Variants in NUMB observed in about 807,000 individuals in gnomAD.
NUMB encodes protein numb homolog.
Under a neutral mutation model 59.7 loss-of-function variants are expected in NUMB, and 29 were observed. The ratio of observed to expected loss-of-function variants is 0.49; its 90% CI spans 0.36 to 0.66. The LOEUF (loss-of-function observed/expected upper bound fraction) is 0.66, where lower values mean the gene tolerates loss of function less well. Among genes scored for constraint, NUMB ranks in the 30% least tolerant of loss-of-function variants. NUMB has a pLI of 0.00. For synonymous variants in NUMB, 288 were observed against 288.2 expected, an observed-to-expected ratio of 1.00 and a Z score of 0.01; for missense variants, 723 against 822.0, an observed-to-expected ratio of 0.88 and a Z score of 1.47.
intron 4 of NUMB, among the ~76,000 whole-genome samples, chr14:73,323,540 AC>A (rs1456796771): frequency 6.6e-6 from 1 of 152,250 alleles, no homozygotes; most frequent in African/African-American, 2.4e-5. Flanking sequence ...ACTAAACATT[AC>A]CTGAATCTAC....
chr14:73,413,818 G>A (rs1242386506), intron 1 of NUMB, among the ~76,000 whole-genome samples: 2 of 151,900 alleles, frequency 1.3e-5, no homozygotes, highest in African/African-American at 4.8e-5. Flanking sequence ...ACAAAACAAA[G>A]AGTTCTTTTA....
intron 2 of NUMB, among the ~76,000 whole-genome samples, chr14:73,368,486 G>A (rs536305877): frequency 9.2e-5 from 14 of 152,168 alleles, no homozygotes; most frequent in Admixed American, 9.2e-4. Flanking sequence ...GGGAGGCTGA[G>A]GCAGGAGAAT....
At chr14:73,277,858 G>C (rs1422623943) in intron 12 of NUMB, among the ~76,000 whole-genome samples, 1 of 151,986 alleles carries the variant, frequency 6.6e-6, no homozygotes, top group Non-Finnish European at 1.5e-5. Flanking sequence ...AAGAGATCGA[G>C]ACTATCCTGG....
intron 6 of NUMB, among the ~76,000 whole-genome samples, chr14:73,310,641 G>A (rs1425333882): frequency 6.6e-6 from 1 of 152,180 alleles, no homozygotes; most frequent in Non-Finnish European, 1.5e-5. Context: ...AACTCTCTGA[G>A]CTTCTGTTTA....
intron 3 of NUMB, among the ~76,000 whole-genome samples, chr14:73,363,078 C>T (rs1894167031): frequency 1.3e-5 from 2 of 151,968 alleles, no homozygotes; most frequent in Non-Finnish European, 2.9e-5. Flanking sequence ...GGTGGATCAC[C>T]TGAGGTCAGA....
intron 3 of NUMB, among the ~76,000 whole-genome samples, chr14:73,363,553 A>C (rs1894190045): frequency 6.6e-6 from 1 of 152,186 alleles, no homozygotes; most frequent in Admixed American, 6.6e-5. Context: ...AATAGTTTCT[A>C]ACTCATTATT....
chr14:73,434,731 T>C (rs547810282), intron 1 of NUMB, among the ~76,000 whole-genome samples: 130 of 150,226 alleles, frequency 8.7e-4, no homozygotes, highest in Non-Finnish European at 1.5e-3. Flanking sequence ...AAAAAAAAAA[T>C]GAAAAAACCA....
At chr14:73,331,724 T>C (rs1891990792) in intron 4 of NUMB, among the ~76,000 whole-genome samples, 1 of 152,104 alleles carries the variant, frequency 6.6e-6, no homozygotes, top group Non-Finnish European at 1.5e-5. Context: ...TCAGCTAGTC[T>C]CATGAGATCT....
intron 2 of NUMB, among the ~76,000 whole-genome samples, chr14:73,395,570 G>A (rs1364200114): frequency 1.3e-5 from 2 of 152,056 alleles, no homozygotes; most frequent in South Asian, 2.1e-4. Flanking sequence ...GCAGTGAGCC[G>A]TGATCATACC....
At chr14:73,293,423 A>C (rs1219313641) in intron 7 of NUMB, among the ~76,000 whole-genome samples, 1 of 117,294 alleles carries the variant, frequency 8.5e-6, no homozygotes, top group Non-Finnish European at 1.6e-5. Flanking sequence ...GGACAGTCTC[A>C]CTCTGTCACC....
chr14:73,317,842 C>A (rs1479240054), intron 5 of NUMB, among the ~76,000 whole-genome samples: 1 of 152,116 alleles, frequency 6.6e-6, no homozygotes, highest in East Asian at 1.9e-4. Context: ...ATACTTTAAG[C>A]CTTTACTTTT....
At chr14:73,380,021 A>G (rs1316367369) in intron 2 of NUMB, among the ~76,000 whole-genome samples, 1 of 152,196 alleles carries the variant, frequency 6.6e-6, no homozygotes, top group East Asian at 1.9e-4. Context: ...GAAAACTATT[A>G]AATTAATCCA....
chr14:73,286,940 A>G (rs1305181186), intron 9 of NUMB, 170 bp downstream of exon 9: 2 of 645,822 alleles, frequency 3.1e-6, no homozygotes, highest in East Asian at 5.5e-5. Flanking sequence ...AAGCCATTAA[A>G]CTAGCCACTC....
At chr14:73,366,782 T>C (rs1027468251) in intron 3 of NUMB, 115 bp downstream of exon 3, 1 of 152,204 alleles carries the variant, frequency 6.6e-6, no homozygotes, top group Admixed American at 6.6e-5. Flanking sequence ...ATATTATCAG[T>C]AATTGTTAAA....
chr14:73,357,427 A>T (rs1893856731), intron 3 of NUMB, among the ~76,000 whole-genome samples: 1 of 150,254 alleles, frequency 6.7e-6, no homozygotes, highest in Non-Finnish European at 1.5e-5. Flanking sequence ...AGAAAGAAAG[A>T]AAGGAAATAC....
At chr14:73,345,498 A>T (rs76303863) in intron 4 of NUMB, among the ~76,000 whole-genome samples, 2,335 of 152,332 alleles carry the variant, frequency 0.015, 27 homozygotes, top group Middle Eastern at 0.024. Context: ...TAAAAGATTT[A>T]AAAAAATCAA....
intron 4 of NUMB, among the ~76,000 whole-genome samples, chr14:73,339,736 C>T (rs1386795231): frequency 6.6e-6 from 1 of 152,074 alleles, no homozygotes; most frequent in Admixed American, 6.6e-5. Context: ...ACACACACTC[C>T]CTTCATACTT....
intron 2 of NUMB, among the ~76,000 whole-genome samples, chr14:73,398,028 C>T (rs1159870031): frequency 6.6e-6 from 1 of 152,068 alleles, no homozygotes; most frequent in East Asian, 1.9e-4. Context: ...TTAACAGCTG[C>T]CCTAGAATCC....
At chr14:73,445,449 T>C (rs151001885) in intron 1 of NUMB, among the ~76,000 whole-genome samples, 122 of 142,992 alleles carry the variant, frequency 8.5e-4, no homozygotes, top group African/African-American at 2.9e-3. Flanking sequence ...TTTCCAGAGA[T>C]GGACTAGACT....
Sources: gnomAD v4.1 joint callset for allele counts (sites outside exome capture counted in the v4.1 genomes callset) on GRCh38, gnomAD v4.1.1 for gene constraint, MANE v1.5 for transcripts, NCBI Gene and HGNC (gene_info 2026-07-23, HGNC 2026-07-21) for gene names.